Variants in ADGRD1 observed in about 807,000 individuals in gnomAD.
ADGRD1 encodes the protein G-protein coupled receptor 133.
In ADGRD1, 77 loss-of-function variants were observed where a neutral mutation model predicts 113.4. That is an observed-to-expected ratio of 0.68 (90% confidence interval 0.57 to 0.82). The LOEUF (loss-of-function observed/expected upper bound fraction) is 0.82, where lower values mean the gene tolerates loss of function less well. ADGRD1 is among the 40% of genes least tolerant of loss of function. The pLI is 0.00. For synonymous variants in ADGRD1, 474 were observed against 475.0 expected (o/e 1.00, Z 0.03); for missense variants, 1,036 against 1,139.1 (o/e 0.91, Z 1.30).
chr12:131,043,876 AC>A (rs1196908650), intron 13 of ADGRD1, among the ~76,000 whole-genome samples: 2 of 152,134 alleles, frequency 1.3e-5, no homozygotes, highest in Non-Finnish European at 2.9e-5. Flanking sequence ...GAAACCCACC[AC>A]CCTGGGATGA....
At chr12:131,086,305 G>C (rs1886464040) in intron 15 of ADGRD1, among the ~76,000 whole-genome samples, 1 of 152,190 alleles carries the variant, frequency 6.6e-6, no homozygotes, top group South Asian at 2.1e-4. Context: ...TGTAACGGAG[G>C]CAGAATCCTA....
intron 20 of ADGRD1, among the ~76,000 whole-genome samples, chr12:131,129,365 G>C (rs536300390): frequency 2.1e-4 from 20 of 93,696 alleles, no homozygotes; most frequent in African/African-American, 8.4e-4. Flanking sequence ...GTGACAGGCT[G>C]GCCCTCCTGT....
intron 2 of ADGRD1, chr12:130,957,511 C>T (rs1869792437): frequency 2.0e-5 from 3 of 152,302 alleles, no homozygotes; most frequent in South Asian, 4.2e-4. Context: ...CACACATTCA[C>T]ACACATCCCA....
intron 12 of ADGRD1, among the ~76,000 whole-genome samples, chr12:131,008,115 A>G (rs369089122): frequency 4.6e-5 from 7 of 152,386 alleles, no homozygotes; most frequent in African/African-American, 1.7e-4. Flanking sequence ...GAGGATTGCC[A>G]GGAGGACTGA....
chr12:130,958,752 C>T (rs1453562524), intron 2 of ADGRD1, among the ~76,000 whole-genome samples: 3 of 146,988 alleles, frequency 2.0e-5, no homozygotes, highest in Middle Eastern at 3.4e-3. Context: ...CAACCTGTTT[C>T]CATCGCAAGA....
intron 15 of ADGRD1, among the ~76,000 whole-genome samples, chr12:131,101,181 G>A (rs1950064699): frequency 6.6e-6 from 1 of 151,984 alleles, no homozygotes; most frequent in Non-Finnish European, 1.5e-5. Flanking sequence ...CTTGGGTAGA[G>A]CAGAGATGAT....
intron 17 of ADGRD1, among the ~76,000 whole-genome samples, chr12:131,108,450 G>A (rs754391099): frequency 1.3e-5 from 2 of 152,172 alleles, no homozygotes; most frequent in Admixed American, 1.3e-4. Context: ...TGCAAGGAAT[G>A]GATAGTTTTG....
chr12:130,995,305 T>G (rs988813243), intron 8 of ADGRD1, among the ~76,000 whole-genome samples: 1 of 152,186 alleles, frequency 6.6e-6, no homozygotes, highest in Admixed American at 6.5e-5. Context: ...GGATGGCGTA[T>G]GCGCAGTGAG....
At chr12:130,992,465 T>C in intron 8 of ADGRD1, 73 bp downstream of exon 8, 5 of 1,306,676 alleles carry the variant, frequency 3.8e-6, no homozygotes, top group Non-Finnish European at 5.3e-6. Flanking sequence ...TGTTTCTGTT[T>C]GACCTAGATC....
At chr12:130,998,568 G>A (rs1423452962) in intron 8 of ADGRD1, among the ~76,000 whole-genome samples, 2 of 152,026 alleles carry the variant, frequency 1.3e-5, no homozygotes, top group Non-Finnish European at 2.9e-5. Flanking sequence ...GAGTTCAAGC[G>A]ATTCTCCTGC....
chr12:131,069,021 G>A (rs4991842), intron 13 of ADGRD1, among the ~76,000 whole-genome samples: 64,874 of 152,040 alleles, frequency 0.43, 14,097 homozygotes, highest in South Asian at 0.53. Context: ...ACTCCTGAAA[G>A]ATGCCATTAG....
chr12:131,030,656 G>A (rs1053230965), intron 13 of ADGRD1: 6 of 152,242 alleles, frequency 3.9e-5, no homozygotes, highest in Non-Finnish European at 5.9e-5. Flanking sequence ...GCCACGTCCC[G>A]GGGAATAGTA....
At chr12:130,974,827 C>T (rs1013919802) in intron 4 of ADGRD1, among the ~76,000 whole-genome samples, 8 of 152,188 alleles carry the variant, frequency 5.3e-5, no homozygotes, top group Admixed American at 1.3e-4. Flanking sequence ...CCCCCGCTCC[C>T]GGCCCTCCCT....
Position 131,060,600 on chromosome 12 carries a change from C to T in ADGRD1, c.1474-16201C>T, listed in dbSNP as rs1418497486. On this transcript the variant is annotated intron_variant, in intron 13 of 24. Transcript: ENST00000261654. The surrounding 1 kb of genome is among the most constrained non-coding windows in gnomAD (Gnocchi z 4.4). The stretch of plus-strand genomic sequence containing the variant: ...CCAGCAGCCTCTCCAGGGGCATCAG[C>T]AGCCGTACCACTAAACCAGAGGAGT... Among the ~76,000 whole-genome samples, 1 of 152,194 alleles carries T rather than the reference C, an allele frequency of 6.6e-6. No homozygotes were observed. The highest frequency in any genetic ancestry group is 2.4e-5 in the African/African-American group (1 of 41,448).
rs1437149828 is a variant in ADGRD1, at chr12:130,971,051, C to T, written c.188-407C>T. On this transcript the variant is annotated intron_variant, in intron 3 of 24. Coordinates refer to ENST00000261654, the MANE Select transcript of ADGRD1 (RefSeq NM_198827.5). This position sits in a 1 kb window ranked among gnomAD's most constrained non-coding sequence, Gnocchi z 4.2. ...GGAGGGCTCGAAAAGCAGGTCGGCACAAAGTCCAGGACAGGAGGCGGTCGC... is the reference window on the plus strand; with the variant it reads ...GGAGGGCTCGAAAAGCAGGTCGGCATAAAGTCCAGGACAGGAGGCGGTCGC... 6.5e-6 allele frequency: 1 copy of T among 154,222 alleles called. No individual in the cohort carries two copies. The highest frequency in any genetic ancestry group is 2.0e-4 in the South Asian group (1 of 4,950). 9.6% of individuals were successfully genotyped at this position (154,222 alleles called of 1,614,324 possible). A position where few individuals can be genotyped will look rare whatever the true frequency, so the allele number is the denominator to read the frequency against.
At chr12:131,001,916 A>C (rs993439195) in intron 9 of ADGRD1, among the ~76,000 whole-genome samples, 3 of 152,230 alleles carry the variant, frequency 2.0e-5, no homozygotes, top group African/African-American at 7.2e-5. Flanking sequence ...TTCTCTCATT[A>C]TTAATAAGAT....
chr12:131,117,840 C>T (rs1039502017), intron 18 of ADGRD1, among the ~76,000 whole-genome samples: 2 of 152,362 alleles, frequency 1.3e-5, no homozygotes, highest in South Asian at 2.1e-4. Flanking sequence ...CACACCTTTC[C>T]ACCGCCGCTC....
intron 4 of ADGRD1, among the ~76,000 whole-genome samples, chr12:130,979,235 G>A (rs1872677101): frequency 6.6e-6 from 1 of 152,190 alleles, no homozygotes; most frequent in Non-Finnish European, 1.5e-5. Flanking sequence ...GCTTGGAGTT[G>A]TACCCCGTAG....
chr12:131,039,756 G>A (rs956737275), intron 13 of ADGRD1, among the ~76,000 whole-genome samples: 1 of 152,362 alleles, frequency 6.6e-6, no homozygotes, highest in South Asian at 2.1e-4. Context: ...CTCACGCTGG[G>A]AAAGGGCCCA....
Sources: gnomAD v4.1 joint callset for allele counts (sites outside exome capture counted in the v4.1 genomes callset) on GRCh38, gnomAD v4.1.1 for gene constraint, Gnocchi (gnomAD v3.1) non-coding constraint, MANE v1.5 for transcripts, NCBI Gene and HGNC (gene_info 2026-07-23, HGNC 2026-07-21) for gene names.